AXDND1: variants seen among roughly 807,000 people sequenced by gnomAD.
AXDND1 encodes axonemal dynein light chain domain containing 1.
Under a neutral mutation model 137.5 loss-of-function variants are expected in AXDND1, and 110 were observed. The observed-to-expected ratio is 0.80, with a 90% CI of 0.69 to 0.94. The LOEUF is 0.94. AXDND1 is among the 40% of genes least tolerant of loss of function. The probability of loss-of-function intolerance (pLI) is 0.00; values close to 1 mark genes in which losing one functional copy is unlikely to be tolerated. For missense variants in AXDND1, 1,191 were observed against 1,169.8 expected (o/e 1.02, Z -0.26); for synonymous variants, 414 against 399.7 (o/e 1.04, Z -0.43).
At chr1:179,533,754 G>A (rs747072503) in intron 23 of AXDND1, 41 bp from the exon 24 acceptor site, 13 of 1,443,174 alleles carry the variant, frequency 9.0e-6, no homozygotes, top group Non-Finnish European at 1.3e-5. Flanking sequence ...ACTAATTGTT[G>A]AGACTGTCAG....
chr1:179,534,470 T>G, intron 24 of AXDND1: 1 of 311,970 alleles, frequency 3.2e-6, no homozygotes, highest in South Asian at 1.1e-4. Context: ...TGATGGAGAA[T>G]TCCAGATACC....
In AXDND1 at chr1:179,368,791, C is replaced by T; in HGVS notation, c.98-9C>T. On this transcript the variant is annotated splice_polypyrimidine_tract_variant and intron_variant, in intron 2 of 25. Transcript: ENST00000367618. ...TAGTAAGAGTTTTTCTTTTCCACTACTTACTTAGGACTTCCTGAGCTAAAG... is the reference window on the plus strand; with the variant it reads ...TAGTAAGAGTTTTTCTTTTCCACTATTTACTTAGGACTTCCTGAGCTAAAG... The T allele has an allele frequency of 1.9e-6, 3 of 1,594,320 alleles. No individual in the cohort carries two copies. The East Asian group carries it at 6.7e-5, about 36-fold the overall frequency.
At position 179,449,069 on chromosome 1, in the gene AXDND1, A is replaced by T. The variant is rs150178749; in HGVS notation, c.1798+3865A>T. On this transcript the variant is annotated intron_variant, in intron 16 of 25. Coordinates refer to ENST00000367618, the MANE Select transcript of AXDND1 (RefSeq NM_144696.6). ...GTTGACTAATTTTTTTATTTTTTGT[A>T]GAGACAGGATCTCACCGTGTTGCAC... The T allele has an allele frequency of 6.1e-5, 26 of 427,556 alleles. 1 individual carries two copies. In the Middle Eastern group the frequency reaches 5.1e-3, roughly 83 times the overall value. 26.5% of individuals were successfully genotyped at this position (427,556 alleles called of 1,614,324 possible). A position where few individuals can be genotyped will look rare whatever the true frequency, so the allele number is the denominator to read the frequency against.
chr1:179,454,776 A>C (rs1003921986), intron 16 of AXDND1: 2 of 152,200 alleles, frequency 1.3e-5, no homozygotes, highest in African/African-American at 4.8e-5. Flanking sequence ...CATGTCAGGA[A>C]TGTGGGAGAA....
chr1:179,553,810 A>G (rs749938075), intron 25 of AXDND1, among the ~76,000 whole-genome samples: 5 of 152,104 alleles, frequency 3.3e-5, no homozygotes, highest in African/African-American at 4.8e-5. Flanking sequence ...GCAATGCACA[A>G]TCTCGACTCA....
intron 17 of AXDND1, among the ~76,000 whole-genome samples, chr1:179,481,964 C>T (rs1338757991): frequency 6.6e-6 from 1 of 152,118 alleles, no homozygotes; most frequent in East Asian, 1.9e-4. Flanking sequence ...ACAGTTTAAC[C>T]TATATCTTGA....
chr1:179,442,351 G>C (rs1419029813), intron 15 of AXDND1, among the ~76,000 whole-genome samples: 1 of 152,140 alleles, frequency 6.6e-6, no homozygotes, highest in Non-Finnish European at 1.5e-5. Flanking sequence ...AATGGCAGAA[G>C]TACAGTACGA....
At chr1:179,368,750 A>G in intron 2 of AXDND1, 50 bp from the exon 3 acceptor site, 5 of 1,466,152 alleles carry the variant, frequency 3.4e-6, no homozygotes, top group South Asian at 1.3e-5. Context: ...AGCTCCATCT[A>G]ACTTAAAAAA....
At chr1:179,480,134 T>A (rs1332028205) in intron 17 of AXDND1, among the ~76,000 whole-genome samples, 1 of 152,220 alleles carries the variant, frequency 6.6e-6, no homozygotes, top group African/African-American at 2.4e-5. Flanking sequence ...TTTTTGGGTA[T>A]ATTTACAGTA....
rs1183918110 is a variant in AXDND1, at chr1:179,395,196, A to T, written c.1103A>T (p.Asn368Ile). 1 of 1,611,806 alleles carries T rather than the reference A, an allele frequency of 6.2e-7. No homozygotes were observed. Among genetic ancestry groups the T allele is most frequent in the Non-Finnish European group, 8.5e-7 (1 of 1,179,284 alleles). ...LAQALLNAEK[N>I]AKIVEEYHDL... ...CAAGCTCTTTTAAATGCGGAAAAGA[A>T]TGCCAAGTGAGTTGCTTAAAGTTTG... The change falls in exon 11 of 26, where the codon AAT becomes ATT. Residue 368 changes from asparagine to isoleucine, a missense_variant. By Grantham distance (149) the Asn-to-Ile change is moderately radical. Transcript: ENST00000367618.
At chr1:179,513,659 C>G (rs747370542) in intron 21 of AXDND1, among the ~76,000 whole-genome samples, 46 of 151,920 alleles carry the variant, frequency 3.0e-4, no homozygotes, top group Non-Finnish European at 3.4e-4. Context: ...CTTTGAATGT[C>G]TGGTAGAATT....
At chr1:179,384,904 C>T (rs543124885) in intron 8 of AXDND1, among the ~76,000 whole-genome samples, 22 of 152,112 alleles carry the variant, frequency 1.4e-4, no homozygotes, top group African/African-American at 4.1e-4. Context: ...GCTGGGACTA[C>T]AGGCGTGTGC....
rs193266499 is a variant in AXDND1, at chr1:179,550,964, G to C, written c.3032-3548G>C. 1,127 of 626,764 alleles carry C rather than the reference G, an allele frequency of 1.8e-3. 4 individuals carry two copies. The highest frequency in any genetic ancestry group is 2.7e-3 in the Non-Finnish European group (962 of 357,340). The allele number at this position is 626,764 out of a possible 1,614,324, so 38.8% of individuals were successfully genotyped here. On this transcript the variant is annotated intron_variant, in intron 25 of 25. Transcript: ENST00000367618. ...CTGTTTCCCATAATTGCTCTGACTA[G>C]ATGAGTCACGGAAACATGTTGTCTG...
chr1:179,485,648 C>T (rs1320657313), intron 18 of AXDND1, among the ~76,000 whole-genome samples: 2 of 152,160 alleles, frequency 1.3e-5, no homozygotes, highest in Non-Finnish European at 2.9e-5. Flanking sequence ...CTTCTCACCT[C>T]CAAACGACCA....
intron 17 of AXDND1, among the ~76,000 whole-genome samples, chr1:179,480,888 G>A (rs1014035666): frequency 2.0e-5 from 3 of 149,602 alleles, no homozygotes; most frequent in Non-Finnish European, 4.5e-5. Flanking sequence ...TAGTTGATTG[G>A]TCTATTGTTT....
chr1:179,483,156 A>T lies in AXDND1; in HGVS notation c.2026A>T (p.Ile676Phe), dbSNP rs1425757383. The change falls in exon 18 of 26, where the codon ATT becomes TTT. Residue 676 changes from isoleucine to phenylalanine, a missense_variant. Ile to Phe is a conservative substitution (Grantham distance 21, BLOSUM62 0). Transcript: ENST00000367618. ...SVLQAYIFNM[I>F]QQWLLKIGNE... is the part of the protein sequence containing the mutation. Reference sequence around the variant, plus strand: ...ACTCCAAGCGTATATATTTAACATGATTCAACAATGGCTTTTGAAGATAGG... The same window carrying T: ...ACTCCAAGCGTATATATTTAACATGTTTCAACAATGGCTTTTGAAGATAGG... The T allele has an allele frequency of 6.2e-7, 1 of 1,609,118 alleles. No individual in the cohort carries two copies. The highest frequency in any genetic ancestry group is 1.7e-5 in the Admixed American group (1 of 59,464).
chr1:179,507,595 C>T (rs1481982026), intron 20 of AXDND1, among the ~76,000 whole-genome samples: 1 of 152,184 alleles, frequency 6.6e-6, no homozygotes, highest in Non-Finnish European at 1.5e-5. Context: ...CTCAAGTCCA[C>T]ATTCTGTGAT....
Position 179,430,313 on chromosome 1 carries a change from A to G in AXDND1, c.1333-139A>G, listed in dbSNP as rs1348595535. 3 of 649,282 alleles carry G rather than the reference A, an allele frequency of 4.6e-6. No individual in the cohort carries two copies. The African/African-American group carries it at 5.5e-5, about 12-fold the overall frequency. 40.2% of individuals were successfully genotyped at this position (649,282 alleles called of 1,614,324 possible). The stretch of plus-strand genomic sequence containing the variant: ...TTCATCACCAAATGAATGGTGTAGT[A>G]GTGTAACTTTTCAATTTTTAATCAA... On this transcript the variant is annotated intron_variant, in intron 13 of 25. Transcript: ENST00000367618.
intron 9 of AXDND1, among the ~76,000 whole-genome samples, chr1:179,387,865 TC>T (rs1649481774): frequency 6.6e-6 from 1 of 152,228 alleles, no homozygotes; most frequent in African/African-American, 2.4e-5. Context: ...GGTAGTTCTT[TC>T]CTTGGTCTTG....
Sources: allele counts gnomAD v4.1 joint callset (sites outside exome capture counted in the v4.1 genomes callset), GRCh38; gene constraint gnomAD v4.1.1; transcripts MANE v1.5; gene names NCBI Gene and HGNC (gene_info 2026-07-23, HGNC 2026-07-21).